Variants in CDK13 observed in about 807,000 individuals in gnomAD.
CDK13 encodes cyclin dependent kinase 13, also known as cyclin-dependent kinase 13.
Under a neutral mutation model 137.6 loss-of-function variants are expected in CDK13, and 40 were observed. The observed-to-expected ratio is 0.29, with a 90% CI of 0.23 to 0.38. The LOEUF is 0.38. CDK13 is among the 10% of genes least tolerant of loss of function. The pLI, the probability that CDK13 is intolerant of heterozygous loss-of-function variation, is 1.00. For missense variants in CDK13, 1,704 were observed against 1,951.8 expected, an observed-to-expected ratio of 0.87 and a Z score of 2.39; for synonymous variants, 869 against 760.1, an observed-to-expected ratio of 1.14 and a Z score of -2.36.
At chr7:40,030,577 T>C (rs1401598586) in intron 5 of CDK13, among the ~76,000 whole-genome samples, 1 of 152,002 alleles carries the variant, frequency 6.6e-6, no homozygotes, top group Non-Finnish European at 1.5e-5. Context: ...ATTTGTATTT[T>C]TAATACAGAC....
intron 5 of CDK13, among the ~76,000 whole-genome samples, chr7:40,006,276 C>A (rs1038327382): frequency 1.3e-5 from 2 of 152,120 alleles, no homozygotes; most frequent in African/African-American, 2.4e-5. Flanking sequence ...CAGTTACTTA[C>A]ATTAGTTTCA....
intron 5 of CDK13, among the ~76,000 whole-genome samples, chr7:40,038,091 T>C (rs1261400648): frequency 6.6e-6 from 1 of 152,188 alleles, no homozygotes; most frequent in African/African-American, 2.4e-5. Flanking sequence ...TTCAGAATAG[T>C]GTCACTTCCA....
chr7:39,956,556 C>T (rs915425219), intron 1 of CDK13, among the ~76,000 whole-genome samples: 14 of 152,182 alleles, frequency 9.2e-5, no homozygotes, highest in South Asian at 2.1e-4. Context: ...ATGTCACTCC[C>T]ATTATATTAG....
chr7:39,959,603 C>T (rs1305007986), intron 1 of CDK13, among the ~76,000 whole-genome samples: 1 of 151,880 alleles, frequency 6.6e-6, no homozygotes, highest in Middle Eastern at 3.2e-3. Context: ...TAGCTGGGAT[C>T]GCAGATGCAT....
intron 6 of CDK13, among the ~76,000 whole-genome samples, chr7:40,046,859 C>T (rs866528899): frequency 3.8e-4 from 58 of 151,264 alleles, no homozygotes; most frequent in Middle Eastern, 6.8e-3. Flanking sequence ...AAAATAAACC[C>T]GGTGTGGTGG....
intron 9 of CDK13, chr7:40,071,245 T>C (rs1786416180): frequency 6.6e-6 from 1 of 152,244 alleles, no homozygotes; most frequent in Non-Finnish European, 1.5e-5. Flanking sequence ...GGAGTTTTTG[T>C]ATCTACTGAG....
intron 1 of CDK13, among the ~76,000 whole-genome samples, chr7:39,965,612 T>C (rs541800944): frequency 1.3e-3 from 202 of 152,328 alleles, no homozygotes; most frequent in Non-Finnish European, 2.2e-3. Context: ...ATTTAGCCCA[T>C]TTACATTTAA....
In CDK13 at chr7:39,951,605, C is replaced by G. The variant is rs546363676; in HGVS notation, c.964C>G (p.Arg322Gly). ...GCGGTCCCTCAGCCCACTGGGAGGC[C>G]GGGACGACAGCCCGGTGTCCCACAG... ...RRRSLSPLGGRDDSPVSHRAS... is the reference protein window; with the variant it reads ...RRRSLSPLGGGDDSPVSHRAS... The change falls in exon 1 of 14, where the codon CGG becomes GGG. Residue 322 changes from arginine (R) to glycine (G), a missense_variant. Coordinates refer to ENST00000181839, the MANE Select transcript of CDK13 (RefSeq NM_003718.5). 23 of 1,482,444 alleles carry G rather than the reference C, an allele frequency of 1.6e-5. No individual in the cohort carries two copies. The African/African-American group carries it at 3.0e-4, about 20-fold the overall frequency. The allele number at this position is 1,482,444 out of a possible 1,614,324, so 91.8% of individuals were successfully genotyped here.
intron 5 of CDK13, among the ~76,000 whole-genome samples, chr7:40,021,409 T>C (rs1037017110): frequency 2.6e-5 from 4 of 151,866 alleles, no homozygotes; most frequent in Admixed American, 6.6e-5. Context: ...GGCAGGAGAA[T>C]CGCTTGAATC....
At position 40,068,707 on chromosome 7, in the gene CDK13, G is replaced by GAAAA. The variant is rs1158145409; in HGVS notation, c.2780+5628_2780+5631dup. Among the ~76,000 whole-genome samples the GAAAA allele has an allele frequency of 5.9e-4, 28 of 47,078 alleles. 1 individual carries two copies. Among genetic ancestry groups the GAAAA allele is most frequent in the African/African-American group, 2.1e-3 (27 of 12,698 alleles). The allele number at this position is 47,078 out of a possible 152,430, so 30.9% of individuals were successfully genotyped here. A position where few individuals can be genotyped will look rare whatever the true frequency, so the allele number is the denominator to read the frequency against. ...GGTGACAGAGTGAGACTATGTCTCA[G>GAAAA]AAAAAAAAAAAAAAAAAAAAAAAAG... is the stretch of plus-strand genomic sequence containing the variant. On this transcript the variant is annotated intron_variant, in intron 9 of 13. Coordinates refer to ENST00000181839, the MANE Select transcript of CDK13 (RefSeq NM_003718.5).
chr7:40,085,984 C>CA (rs1786778854), intron 11 of CDK13, among the ~76,000 whole-genome samples: 1 of 152,170 alleles, frequency 6.6e-6, no homozygotes, highest in Non-Finnish European at 1.5e-5. Context: ...TGCCTTCCTC[C>CA]ACCTGAGGTA....
chr7:40,051,645 T>A (rs1785890516), intron 7 of CDK13, among the ~76,000 whole-genome samples: 1 of 152,166 alleles, frequency 6.6e-6, no homozygotes, highest in Admixed American at 6.5e-5. Context: ...AATAGAGCAG[T>A]TTTCAGCTTA....
intron 1 of CDK13, among the ~76,000 whole-genome samples, chr7:39,965,656 C>T (rs1242875845): frequency 1.3e-5 from 2 of 152,150 alleles, no homozygotes; most frequent in Non-Finnish European, 2.9e-5. Context: ...TTGATCCTGT[C>T]ATTATGATGT....
At chr7:39,962,589 T>A (rs925027464) in intron 1 of CDK13, among the ~76,000 whole-genome samples, 2 of 152,250 alleles carry the variant, frequency 1.3e-5, no homozygotes, top group African/African-American at 4.8e-5. Flanking sequence ...GGTTGCCTGT[T>A]CACTCTGATG....
At chr7:40,003,950 A>G (rs1259325625) in intron 5 of CDK13, among the ~76,000 whole-genome samples, 22 of 152,332 alleles carry the variant, frequency 1.4e-4, no homozygotes, top group Admixed American at 1.4e-3. Context: ...GACACAGACA[A>G]TTTAATGTTT....
intron 2 of CDK13, among the ~76,000 whole-genome samples, chr7:39,989,281 T>C (rs1784409073): frequency 6.6e-6 from 1 of 151,984 alleles, no homozygotes; most frequent in Admixed American, 6.6e-5. Context: ...ATTAGACTTG[T>C]GTGGTTTATC....
At chr7:39,976,291 T>TCC (rs1205295602) in intron 1 of CDK13, among the ~76,000 whole-genome samples, 8 of 46,938 alleles carry the variant, frequency 1.7e-4, no homozygotes, top group East Asian at 7.9e-4. Flanking sequence ...AGATTCCGTC[T>TCC]CTCTCTCTCT....
chr7:39,995,427 C>G (rs1036988349), intron 2 of CDK13, among the ~76,000 whole-genome samples: 1 of 152,146 alleles, frequency 6.6e-6, no homozygotes, highest in Non-Finnish European at 1.5e-5. Context: ...AGTTGGCATT[C>G]AGGTGATACC....
rs572824566 is a variant in CDK13 at position 39,976,777 on chromosome 7, G to A, written c.1212-10822G>A. The stretch of plus-strand genomic sequence containing the variant: ...ACCCTAAAATAAAAGTTATGTGAAT[G>A]TAGGGTCTCTCTCAACATATCTTAT... On this transcript the variant is annotated intron_variant, in intron 1 of 13. Coordinates refer to ENST00000181839, the MANE Select transcript of CDK13 (RefSeq NM_003718.5). 2.0e-5 allele frequency among the ~76,000 whole-genome samples: 3 copies of A among 152,232 alleles called. No homozygotes were observed. The East Asian group carries it at 5.8e-4, about 29-fold the overall frequency.
Sources: allele counts gnomAD v4.1 joint callset (sites outside exome capture counted in the v4.1 genomes callset), GRCh38; gene constraint gnomAD v4.1.1; transcripts MANE v1.5; gene names NCBI Gene and HGNC (gene_info 2026-07-23, HGNC 2026-07-21).